The following ITPR2 variants were observed in gnomAD, a reference collection of about 807,000 sequenced individuals.
The protein encoded by ITPR2 is inositol 1,4,5-trisphosphate-gated calcium channel ITPR2.
ITPR2 carries 207 observed loss-of-function variants against 317.1 expected under a neutral mutation model. The ratio of observed to expected loss-of-function variants is 0.65; its 90% CI spans 0.58 to 0.73. ITPR2 has a LOEUF of 0.73. Ranked by LOEUF, ITPR2 falls within the 30% of genes least tolerant of loss-of-function variation. The pLI is 0.00. For missense variants in ITPR2, 2,613 were observed against 3,284.0 expected (o/e 0.80, Z 4.99); for synonymous variants, 1,156 against 1,149.1 (o/e 1.01, Z -0.12).
rs566294007 is a variant in ITPR2 at position 26,632,291 on chromosome 12, CT to C, written c.2741-233del. On this transcript the variant is annotated intron_variant, in intron 21 of 56. Coordinates refer to ENST00000381340, the MANE Select transcript of ITPR2 (RefSeq NM_002223.4). ...GGAAATTTTCCTTTTTCAGAAAATG[CT>C]TTCAAATCATGTAACAAAGGTGAGC... is the stretch of plus-strand genomic sequence containing the variant. 5.3e-5 allele frequency among the ~76,000 whole-genome samples: 8 copies of C among 152,274 alleles called. 1 individual carries two copies. In the South Asian group the frequency reaches 1.7e-3, roughly 32 times the overall value.
chr12:26,354,215 A>C (rs1938564829), intron 55 of ITPR2, among the ~76,000 whole-genome samples: 1 of 152,122 alleles, frequency 6.6e-6, no homozygotes, highest in Admixed American at 6.5e-5. Flanking sequence ...TGGAGGTTGC[A>C]GTGAGCCGAG....
At chr12:26,772,535 CATGTATTATATATATAATACATGTATT>C (rs1949885762) in intron 2 of ITPR2, among the ~76,000 whole-genome samples, 4 of 130,580 alleles carry the variant, frequency 3.1e-5, no homozygotes, top group Non-Finnish European at 1.6e-5. Flanking sequence ...ATATATAATA[CATGTATTATATATATAATACATGTATT>C]ATATATATAT....
chr12:26,665,847 G>C, intron 14 of ITPR2, 63 bp downstream of exon 14: 1 of 1,391,436 alleles, frequency 7.2e-7, no homozygotes. Context: ...CTAATACAAG[G>C]CCTTTCCTGA....
intron 37 of ITPR2, among the ~76,000 whole-genome samples, chr12:26,533,545 C>T (rs1428135324): frequency 6.6e-6 from 1 of 152,170 alleles, no homozygotes; most frequent in Non-Finnish European, 1.5e-5. Flanking sequence ...CCTGCAACAC[C>T]TTAGAATATA....
intron 55 of ITPR2, among the ~76,000 whole-genome samples, chr12:26,374,213 G>C (rs1333357638): frequency 1.3e-5 from 2 of 152,210 alleles, no homozygotes; most frequent in Non-Finnish European, 2.9e-5. Context: ...ATGCCAAACA[G>C]GTTTGTGTCA....
chr12:26,487,606 T>C (rs1191636861), intron 39 of ITPR2, among the ~76,000 whole-genome samples: 1 of 152,208 alleles, frequency 6.6e-6, no homozygotes, highest in Non-Finnish European at 1.5e-5. Context: ...AACATGTATG[T>C]ATTGAGTGCC....
intron 26 of ITPR2, among the ~76,000 whole-genome samples, chr12:26,603,266 T>TA (rs1400417772): frequency 6.6e-6 from 1 of 151,926 alleles, no homozygotes; most frequent in Non-Finnish European, 1.5e-5. Flanking sequence ...GAGAGAAAAA[T>TA]AAAAAGCAAA....
intron 36 of ITPR2, among the ~76,000 whole-genome samples, chr12:26,554,878 A>G (rs11608490): frequency 0.15 from 23,211 of 151,834 alleles, 2,413 homozygotes; most frequent in Non-Finnish European, 0.23. Context: ...CTTTCAACGT[A>G]CCCATCATCT....
intron 10 of ITPR2, among the ~76,000 whole-genome samples, chr12:26,688,964 A>C (rs1948182356): frequency 6.6e-6 from 1 of 152,218 alleles, no homozygotes; most frequent in Non-Finnish European, 1.5e-5. Context: ...GTATACTGGA[A>C]ATTTGCTAAG....
intron 37 of ITPR2, among the ~76,000 whole-genome samples, chr12:26,545,880 A>T (rs571774999): frequency 1.3e-5 from 2 of 152,122 alleles, no homozygotes; most frequent in Admixed American, 6.5e-5. Flanking sequence ...CTCATTCCCA[A>T]ACTGGTTGTT....
At chr12:26,832,349 C>G (rs1951126212) in intron 1 of ITPR2, among the ~76,000 whole-genome samples, 1 of 152,234 alleles carries the variant, frequency 6.6e-6, no homozygotes, top group South Asian at 2.1e-4. Context: ...GTTTTACCTT[C>G]CAGGGAAAAC....
intron 26 of ITPR2, among the ~76,000 whole-genome samples, chr12:26,607,645 G>A (rs1170943356): frequency 6.6e-6 from 1 of 152,146 alleles, no homozygotes; most frequent in Non-Finnish European, 1.5e-5. Flanking sequence ...GGCAGAAGAG[G>A]CTCTGACCAG....
chr12:26,407,479 C>T (rs1027567253), intron 52 of ITPR2, among the ~76,000 whole-genome samples: 2 of 152,086 alleles, frequency 1.3e-5, no homozygotes, highest in African/African-American at 4.8e-5. Flanking sequence ...TGTCAGATGT[C>T]CCTGGGGGGT....
chr12:26,422,664 C>T (rs964387093), intron 49 of ITPR2, among the ~76,000 whole-genome samples: 3 of 152,250 alleles, frequency 2.0e-5, no homozygotes, highest in African/African-American at 7.2e-5. Context: ...ACATTTATAG[C>T]TGCTTTATCT....
intron 55 of ITPR2, among the ~76,000 whole-genome samples, chr12:26,343,613 G>A (rs1938209504): frequency 6.6e-6 from 1 of 152,220 alleles, no homozygotes; most frequent in African/African-American, 2.4e-5. Flanking sequence ...TAGATGAATT[G>A]TGCACTAAAC....
At chr12:26,633,651 C>A (rs1412448422) in intron 21 of ITPR2, among the ~76,000 whole-genome samples, 1 of 152,222 alleles carries the variant, frequency 6.6e-6, no homozygotes, top group African/African-American at 2.4e-5. Context: ...CTCAAACAAT[C>A]ATAGCAATTG....
Position 26,424,032 on chromosome 12 carries a change from C to T in ITPR2, c.6945+3881G>A, listed in dbSNP as rs575714118. On this transcript the variant is annotated intron_variant, in intron 49 of 56. Coordinates refer to ENST00000381340, the MANE Select transcript of ITPR2 (RefSeq NM_002223.4). ...CCAAAAATAAGACTTTCTGCAGTGG[C>T]TTAACATTGTGAAAAACAGAGTCCA... Among the ~76,000 whole-genome samples, 15 of 152,234 alleles carry T rather than the reference C, an allele frequency of 9.9e-5. 1 individual carries two copies. Among genetic ancestry groups the T allele is most frequent in the Admixed American group, 2.0e-4 (3 of 15,286 alleles).
At chr12:26,601,420 G>C (rs1350736437) in intron 28 of ITPR2, among the ~76,000 whole-genome samples, 3 of 152,048 alleles carry the variant, frequency 2.0e-5, no homozygotes, top group Admixed American at 2.0e-4. Context: ...TGAAGAAATG[G>C]CTGATTCTAG....
At position 26,833,165 on chromosome 12, in the gene ITPR2, G is replaced by A. The variant is rs61751917; in HGVS notation, c.-384C>T. The stretch of plus-strand genomic sequence containing the variant: ...TCCACTCCCTGCTCTGCGACCCGCT[G>A]CGGCCGTCACAGCCGCCCGGCGGGA... On this transcript the variant is annotated 5_prime_UTR_variant, in exon 1 of 57. Transcript: ENST00000381340. The A allele has an allele frequency of 0.078, 16,772 of 215,752 alleles. 881 individuals carry two copies. Among genetic ancestry groups the A allele is most frequent in the Admixed American group, 0.11 (1,764 of 15,666 alleles). The allele number at this position is 215,752 out of a possible 1,614,324, so 13.4% of individuals were successfully genotyped here.
Sources: gnomAD v4.1 joint callset for allele counts (sites outside exome capture counted in the v4.1 genomes callset) on GRCh38, gnomAD v4.1.1 for gene constraint, MANE v1.5 for transcripts, NCBI Gene and HGNC (gene_info 2026-07-23, HGNC 2026-07-21) for gene names.